The following CBFA2T2 variants were observed in gnomAD, a reference collection of about 807,000 sequenced individuals.
CBFA2T2 encodes the protein CBFA2/RUNX1 partner transcriptional co-repressor 2, also known as protein CBFA2T2.
Under a neutral mutation model 62.2 loss-of-function variants are expected in CBFA2T2, and 11 were observed. The observed-to-expected ratio is 0.18, with a 90% confidence interval of 0.11 to 0.29. CBFA2T2 has a LOEUF of 0.29. Among genes scored for constraint, CBFA2T2 ranks in the 10% least tolerant of loss-of-function variants. The pLI is 1.00. For synonymous variants in CBFA2T2, 295 were observed against 287.5 expected (o/e 1.03, Z -0.27); for missense variants, 592 against 774.1 (o/e 0.76, Z 2.79).
At position 33,564,356 on chromosome 20, in the gene CBFA2T2, G is replaced by A. The variant is rs141693078; in HGVS notation, c.35-42600G>A. Among the ~76,000 whole-genome samples the A allele has an allele frequency of 1.6e-3, 246 of 150,550 alleles. 1 individual carries two copies. The highest frequency in any genetic ancestry group is 6.5e-3 in the East Asian group (33 of 5,080). Reference sequence around the variant, plus strand: ...CGGCTCACTGCAACCTCCACCTCCCGGGTTCAAGCTATTCTGCCTCAGCCT... The same window carrying A: ...CGGCTCACTGCAACCTCCACCTCCCAGGTTCAAGCTATTCTGCCTCAGCCT... On this transcript the variant is annotated intron_variant, in intron 1 of 10. Coordinates refer to ENST00000342704, the MANE Select transcript of CBFA2T2 (RefSeq NM_001032999.3).
chr20:33,500,543 C>G (rs1033168749), intron 1 of CBFA2T2, among the ~76,000 whole-genome samples: 4 of 151,932 alleles, frequency 2.6e-5, no homozygotes, highest in Non-Finnish European at 5.9e-5. Context: ...AACCCCGTCT[C>G]TAATAAAAAT....
chr20:33,582,715 G>T (rs1274056213), intron 1 of CBFA2T2, among the ~76,000 whole-genome samples: 1 of 152,162 alleles, frequency 6.6e-6, no homozygotes, highest in Non-Finnish European at 1.5e-5. Flanking sequence ...GCCAAGGCAG[G>T]CGGATCACTT....
intron 1 of CBFA2T2, among the ~76,000 whole-genome samples, chr20:33,538,373 T>C (rs556094838): frequency 6.6e-6 from 1 of 152,130 alleles, no homozygotes; most frequent in East Asian, 1.9e-4. Context: ...TTCTTTTTTC[T>C]TTTTCCTTTT....
In CBFA2T2 at chr20:33,640,330, C is replaced by G; in HGVS notation, c.1298-11C>G. ...TCTCGGCCAGTTGATTTTACTGTCACTTTCTTCTAGAAGAAGCTGTGAATA... is the reference window on the plus strand; with the variant it reads ...TCTCGGCCAGTTGATTTTACTGTCAGTTTCTTCTAGAAGAAGCTGTGAATA... On this transcript the variant is annotated splice_polypyrimidine_tract_variant and intron_variant, in intron 9 of 10. Transcript: ENST00000342704. 1.2e-6 allele frequency: 2 copies of G among 1,606,736 alleles called. No individual in the cohort carries two copies. Among genetic ancestry groups the G allele is most frequent in the Non-Finnish European group, 1.7e-6 (2 of 1,174,450 alleles).
intron 1 of CBFA2T2, among the ~76,000 whole-genome samples, chr20:33,565,724 G>A (rs566969509): frequency 2.0e-5 from 3 of 152,270 alleles, no homozygotes; most frequent in Admixed American, 6.5e-5. Context: ...GATTATGGAA[G>A]CATCATGAGA....
At chr20:33,506,828 C>G (rs907350843) in intron 1 of CBFA2T2, among the ~76,000 whole-genome samples, 12 of 152,124 alleles carry the variant, frequency 7.9e-5, no homozygotes, top group Non-Finnish European at 1.2e-4. Context: ...CAACACTTGG[C>G]TAGCTATGAG....
intron 4 of CBFA2T2, among the ~76,000 whole-genome samples, chr20:33,622,498 G>T (rs942426045): frequency 1.3e-5 from 2 of 152,192 alleles, no homozygotes; most frequent in African/African-American, 4.8e-5. Flanking sequence ...AGCTTTTAAA[G>T]ATGTATAGGG....
chr20:33,495,895 G>T (rs77043716), intron 1 of CBFA2T2, among the ~76,000 whole-genome samples: 1,888 of 152,188 alleles, frequency 0.012, 20 homozygotes, highest in Non-Finnish European at 0.021. Context: ...GGTTTATTAT[G>T]ATGGTTAATA....
intron 1 of CBFA2T2, among the ~76,000 whole-genome samples, chr20:33,494,444 G>T (rs1466019784): frequency 6.7e-6 from 1 of 150,146 alleles, no homozygotes; most frequent in Non-Finnish European, 1.5e-5. Context: ...GCCACGCCTG[G>T]CTAATTTTTT....
At position 33,628,260 on chromosome 20, in the gene CBFA2T2, TA is replaced by T. The variant is rs1201972331; in HGVS notation, c.947-89del. 4.6e-6 allele frequency: 4 copies of T among 862,568 alleles called. No homozygotes were observed. In the Admixed American group the frequency reaches 7.1e-5, roughly 15 times the overall value. The allele number at this position is 862,568 out of a possible 1,614,324, so 53.4% of individuals were successfully genotyped here. On this transcript the variant is annotated intron_variant, in intron 6 of 10. Coordinates refer to ENST00000342704, the MANE Select transcript of CBFA2T2 (RefSeq NM_001032999.3). ...ATTGCCTTAGTAGTGTGATCAAAGT[TA>T]TTATGAATATGTGTGTATTTACTTG...
chr20:33,492,499 C>T (rs754250292), intron 1 of CBFA2T2, among the ~76,000 whole-genome samples: 1 of 151,170 alleles, frequency 6.6e-6, no homozygotes, highest in Non-Finnish European at 1.5e-5. Context: ...GCTTCTGTTA[C>T]GTAACTACAT....
intron 1 of CBFA2T2, among the ~76,000 whole-genome samples, chr20:33,529,823 TAC>T (rs2012005238): frequency 6.7e-6 from 1 of 148,608 alleles, no homozygotes; most frequent in Non-Finnish European, 1.5e-5. Flanking sequence ...TTGCTCTTGT[TAC>T]ACAGGCTGGA....
intron 1 of CBFA2T2, among the ~76,000 whole-genome samples, chr20:33,508,612 G>A (rs1043646864): frequency 6.6e-6 from 1 of 151,944 alleles, no homozygotes; most frequent in Non-Finnish European, 1.5e-5. Context: ...AGTGTGTTTT[G>A]TTCCCCTCTT....
intron 3 of CBFA2T2, among the ~76,000 whole-genome samples, chr20:33,616,303 A>G (rs978231455): frequency 1.3e-5 from 2 of 152,178 alleles, no homozygotes; most frequent in Non-Finnish European, 2.9e-5. Flanking sequence ...TTGTCACTAT[A>G]TGTAGAGGAA....
chr20:33,511,153 GT>G (rs1005645211), intron 1 of CBFA2T2, among the ~76,000 whole-genome samples: 25 of 152,242 alleles, frequency 1.6e-4, no homozygotes, highest in Non-Finnish European at 3.4e-4. Context: ...GATCCCATTT[GT>G]CAATTTTGGC....
At chr20:33,611,462 C>A (rs761478979) in intron 3 of CBFA2T2, 127 bp downstream of exon 3, 13 of 1,028,524 alleles carry the variant, frequency 1.3e-5, no homozygotes, top group Non-Finnish European at 1.8e-5. Flanking sequence ...ACAGACTAGA[C>A]TAGTTATTGA....
chr20:33,543,248 G>A (rs1462023846), intron 1 of CBFA2T2, among the ~76,000 whole-genome samples: 1 of 150,394 alleles, frequency 6.6e-6, no homozygotes, highest in Non-Finnish European at 1.5e-5. Flanking sequence ...CTGACCTTGT[G>A]ATCTGTCTGC....
intron 8 of CBFA2T2, among the ~76,000 whole-genome samples, chr20:33,633,380 AT>A (rs746854784): frequency 0.18 from 9,084 of 49,360 alleles, 692 homozygotes; most frequent in African/African-American, 0.47. Flanking sequence ...CAAAAAAAAA[AT>A]AAATAAATAA....
At chr20:33,551,118 T>C (rs2012730262) in intron 1 of CBFA2T2, among the ~76,000 whole-genome samples, 1 of 152,178 alleles carries the variant, frequency 6.6e-6, no homozygotes, top group East Asian at 1.9e-4. Context: ...GTTGGTGGTC[T>C]CATTTGAGTA....
Sources: gnomAD v4.1 joint callset for allele counts (sites outside exome capture counted in the v4.1 genomes callset) on GRCh38, gnomAD v4.1.1 for gene constraint, MANE v1.5 for transcripts, NCBI Gene and HGNC (gene_info 2026-07-23, HGNC 2026-07-21) for gene names.